Variants in KIF9 observed in about 807,000 individuals in gnomAD.
The protein encoded by KIF9 is kinesin-like protein KIF9.
Under a neutral mutation model 94.8 loss-of-function variants are expected in KIF9, and 68 were observed. The observed-to-expected ratio is 0.72, with a 90% CI of 0.59 to 0.88. The LOEUF (loss-of-function observed/expected upper bound fraction) is 0.88, where lower values mean the gene tolerates loss of function less well. Ranked by LOEUF, KIF9 falls within the 40% of genes least tolerant of loss-of-function variation. The pLI is 0.00. For synonymous variants in KIF9, 343 were observed against 362.1 expected (o/e 0.95, Z 0.60); for missense variants, 882 against 982.5 (o/e 0.90, Z 1.37).
At position 47,277,225 on chromosome 3, in the gene KIF9, T is replaced by C. The variant is rs1343247943; in HGVS notation, c.93+57A>G. The stretch of plus-strand genomic sequence containing the variant: ...AGGTTGCTTGGAAATACGGTCACAC[T>C]ATAGCAAGGTGGGACAGAGAGGCCC... On this transcript the variant is annotated intron_variant, in intron 2 of 20. Coordinates refer to ENST00000684063, the MANE Select transcript of KIF9 (RefSeq NM_182902.4). The C allele has an allele frequency of 3.9e-6, 5 of 1,296,624 alleles. No homozygotes were observed. In the East Asian group the frequency reaches 7.0e-5, roughly 18 times the overall value. The allele number at this position is 1,296,624 out of a possible 1,614,324, so 80.3% of individuals were successfully genotyped here.
intron 20 of KIF9, among the ~76,000 whole-genome samples, chr3:47,232,518 T>G (rs752175338): frequency 6.6e-6 from 1 of 151,266 alleles, no homozygotes; most frequent in Non-Finnish European, 1.5e-5. Flanking sequence ...CTCCCGACCT[T>G]AGGTGATCCA....
intron 2 of KIF9, 136 bp downstream of exon 2, chr3:47,277,146 T>C (rs995813068): frequency 6.3e-6 from 3 of 479,310 alleles, no homozygotes; most frequent in South Asian, 4.7e-5. Flanking sequence ...TGGTTTGGAT[T>C]TGATGGGCTC....
rs138701088 is a variant in KIF9 at position 47,265,736 on chromosome 3, A to T, written c.910T>A (p.Ser304Thr). 3.5e-4 allele frequency: 558 copies of T among 1,613,964 alleles called. 1 individual carries two copies. The highest frequency in any genetic ancestry group is 2.5e-3 in the Middle Eastern group (15 of 6,078). The change falls in exon 8 of 21, where the codon TCG becomes ACG. Residue 304 changes from serine (S) to threonine (T), a missense_variant. Coordinates refer to ENST00000684063, the MANE Select transcript of KIF9 (RefSeq NM_182902.4). The part of the protein sequence containing the change: ...QCKLTHALKD[S>T]LGGNCNMVLV... ...AGCAACTGTACCCCCTCACCTAACG[A>T]GTCCTTCAGAGCGTGGGTGAGCTTG...
chr3:47,267,309 G>A (rs756664076), intron 5 of KIF9, 46 bp from the exon 6 acceptor site: 12 of 1,357,470 alleles, frequency 8.8e-6, no homozygotes, highest in East Asian at 2.3e-5. Context: ...AAACTAAAAC[G>A]ACAAGGCACT....
intron 20 of KIF9, among the ~76,000 whole-genome samples, chr3:47,232,993 A>C (rs1042046565): frequency 8.6e-5 from 13 of 151,318 alleles, no homozygotes; most frequent in African/African-American, 3.2e-4. Context: ...AAAAAAAAAA[A>C]AAACAAAAAC....
At chr3:47,277,152 G>A (rs1402780963) in intron 2 of KIF9, 130 bp downstream of exon 2, 1 of 486,288 alleles carries the variant, frequency 2.1e-6, no homozygotes. Context: ...GGATTTGATG[G>A]GCTCTAGAGT....
chr3:47,261,616 T>C (rs1371321030), intron 9 of KIF9, among the ~76,000 whole-genome samples: 2 of 152,304 alleles, frequency 1.3e-5, no homozygotes, highest in East Asian at 1.9e-4. Context: ...GAGGAAAGAC[T>C]GAAAGGGCTC....
intron 15 of KIF9, chr3:47,243,468 C>T (rs1699719887): frequency 2.5e-6 from 1 of 398,898 alleles, no homozygotes; most frequent in Admixed American, 3.9e-5. Flanking sequence ...AACAAAGAGC[C>T]CTCGGTGGTC....
At chr3:47,281,387 AC>A (rs1352175142) in intron 1 of KIF9, among the ~76,000 whole-genome samples, 2 of 151,588 alleles carry the variant, frequency 1.3e-5, no homozygotes, top group African/African-American at 4.9e-5. Flanking sequence ...TCACTCTGTC[AC>A]CTAGGCTGGA....
intron 9 of KIF9, chr3:47,263,902 G>A (rs41290656): frequency 0.047 from 21,476 of 459,304 alleles, 725 homozygotes; most frequent in Non-Finnish European, 0.067. Context: ...CTGGAACCCT[G>A]TGGGGTTTTC....
chr3:47,251,488 CG>C (rs1377678808), intron 10 of KIF9, among the ~76,000 whole-genome samples: 1 of 152,106 alleles, frequency 6.6e-6, no homozygotes, highest in Non-Finnish European at 1.5e-5. Context: ...GGCTTGAACC[CG>C]GGAGGCAGAG....
chr3:47,244,378 G>C (rs1699784653), intron 15 of KIF9: 1 of 162,500 alleles, frequency 6.2e-6, no homozygotes, highest in Non-Finnish European at 1.3e-5. Context: ...TGACCTGAGT[G>C]CCAGTCGGCG....
intron 10 of KIF9, chr3:47,250,659 TA>T: frequency 2.5e-6 from 1 of 395,590 alleles, no homozygotes; most frequent in African/African-American, 2.0e-5. Context: ...GAAGAATCGC[TA>T]AGTCATTTTA....
chr3:47,236,354 C>T (rs1332939130), intron 18 of KIF9, 89 bp downstream of exon 18: 32 of 1,439,674 alleles, frequency 2.2e-5, no homozygotes, highest in Non-Finnish European at 2.8e-5. Context: ...CAGAGAGAAA[C>T]TCTGAGGGTG....
chr3:47,282,526 G>T lies in KIF9; in HGVS notation c.-37C>A, dbSNP rs1391685018. The T allele has an allele frequency of 4.0e-6, 4 of 996,868 alleles. No homozygotes were observed. The highest frequency in any genetic ancestry group is 1.7e-5 in the African/African-American group (1 of 57,392). The allele number at this position is 996,868 out of a possible 1,614,324, so 61.8% of individuals were successfully genotyped here. A position where few individuals can be genotyped will look rare whatever the true frequency, so the allele number is the denominator to read the frequency against. On this transcript the variant is annotated 5_prime_UTR_variant, in exon 1 of 21. Transcript: ENST00000684063. The stretch of plus-strand genomic sequence containing the variant: ...CCAGGCAGCGACGCTCCCGGGACGC[G>T]ACTGCCGCAACCGAAACCACCTGCA...
chr3:47,240,707 C>T, intron 17 of KIF9, 94 bp downstream of exon 17: 1 of 1,045,618 alleles, frequency 9.6e-7, no homozygotes, highest in Non-Finnish European at 1.5e-6. Flanking sequence ...TGGCCCCCTC[C>T]CATCTCAGAC....
chr3:47,277,956 C>T (rs1702080679), intron 1 of KIF9, among the ~76,000 whole-genome samples: 1 of 152,082 alleles, frequency 6.6e-6, no homozygotes. Flanking sequence ...TCCTCTTGCT[C>T]TCCTAAAACC....
intron 10 of KIF9, chr3:47,248,313 C>T: frequency 1.9e-6 from 1 of 527,148 alleles, no homozygotes; most frequent in East Asian, 3.4e-5. Context: ...GTCCCCTGGC[C>T]TTTGCTACTG....
chr3:47,237,207 C>T (rs527332583), intron 17 of KIF9, among the ~76,000 whole-genome samples: 55 of 152,320 alleles, frequency 3.6e-4, no homozygotes, highest in African/African-American at 9.6e-4. Flanking sequence ...GATTCTCCTC[C>T]CTTAGCCTCC....
Sources: allele counts gnomAD v4.1 joint callset (sites outside exome capture counted in the v4.1 genomes callset), GRCh38; gene constraint gnomAD v4.1.1; transcripts MANE v1.5; gene names NCBI Gene and HGNC (gene_info 2026-07-23, HGNC 2026-07-21).